Variants in GLRX3 observed in about 807,000 individuals in gnomAD.
GLRX3 encodes the protein glutaredoxin-3.
Under a neutral mutation model 49.5 loss-of-function variants are expected in GLRX3, and 22 were observed. The ratio of observed to expected loss-of-function variants is 0.44; its 90% CI spans 0.32 to 0.63. The LOEUF (loss-of-function observed/expected upper bound fraction) is 0.63, where lower values mean the gene tolerates loss of function less well. Among genes scored for constraint, GLRX3 ranks in the 30% least tolerant of loss-of-function variants. The pLI is 0.05. For missense variants in GLRX3, 385 were observed against 396.3 expected, an observed-to-expected ratio of 0.97 and a Z score of 0.24; for synonymous variants, 133 against 140.0, an observed-to-expected ratio of 0.95 and a Z score of 0.35.
chr10:130,136,935 C>T (rs1252201073), intron 1 of GLRX3, among the ~76,000 whole-genome samples: 2 of 152,188 alleles, frequency 1.3e-5, no homozygotes, highest in Non-Finnish European at 2.9e-5. Context: ...GCGGGACCCA[C>T]GGCTGCGGGC....
chr10:130,178,166 G>A (rs576163643), intron 10 of GLRX3, among the ~76,000 whole-genome samples: 1 of 152,318 alleles, frequency 6.6e-6, no homozygotes, highest in South Asian at 2.1e-4. Flanking sequence ...CAATAGCAAA[G>A]CCTGATTCCT....
intron 2 of GLRX3, 161 bp from the exon 3 acceptor site, chr10:130,159,834 A>G: frequency 7.3e-7 from 1 of 1,361,868 alleles, no homozygotes; most frequent in Non-Finnish European, 9.6e-7. Context: ...ATGCCAGCCC[A>G]GTGAGTCTCA....
At chr10:130,173,891 T>G (rs1862863513) in intron 8 of GLRX3, among the ~76,000 whole-genome samples, 2 of 152,226 alleles carry the variant, frequency 1.3e-5, no homozygotes, top group South Asian at 4.1e-4. Flanking sequence ...GTTTACTAAA[T>G]AAACAAGATT....
intron 6 of GLRX3, 129 bp downstream of exon 6, chr10:130,167,109 T>G (rs1260615890): frequency 5.7e-6 from 3 of 526,396 alleles, no homozygotes; most frequent in Non-Finnish European, 9.9e-6. Flanking sequence ...TCATAATTGT[T>G]TAGTCACATT....
At chr10:130,162,293 A>G (rs1289768089) in intron 4 of GLRX3, among the ~76,000 whole-genome samples, 2 of 152,160 alleles carry the variant, frequency 1.3e-5, no homozygotes, top group Admixed American at 1.3e-4. Context: ...TCTTAAAAGT[A>G]TCTCTTAGTT....
At chr10:130,138,023 A>G (rs1407237379) in intron 1 of GLRX3, among the ~76,000 whole-genome samples, 2 of 152,000 alleles carry the variant, frequency 1.3e-5, no homozygotes, top group Non-Finnish European at 1.5e-5. Flanking sequence ...GGTGTGAGCT[A>G]CCACGTCCGG....
chr10:130,161,727 G>A (rs1446727043), intron 4 of GLRX3, among the ~76,000 whole-genome samples: 2 of 152,224 alleles, frequency 1.3e-5, no homozygotes, highest in Non-Finnish European at 2.9e-5. Context: ...GCATAATTGA[G>A]CATTTAATGC....
At chr10:130,146,501 G>A (rs1034609459) in intron 2 of GLRX3, among the ~76,000 whole-genome samples, 3 of 152,178 alleles carry the variant, frequency 2.0e-5, no homozygotes, top group African/African-American at 7.2e-5. Context: ...GTGGATGAGT[G>A]CTAGGAAAGC....
chr10:130,145,188 A>C, intron 1 of GLRX3, 23 bp from the exon 2 acceptor site: 4 of 892,750 alleles, frequency 4.5e-6, no homozygotes, highest in Non-Finnish European at 7.2e-6. Flanking sequence ...AATTTTAAAT[A>C]AATGCATTTA....
chr10:130,160,209 T>C, intron 3 of GLRX3, 140 bp downstream of exon 3: 2 of 617,234 alleles, frequency 3.2e-6, no homozygotes, highest in South Asian at 2.1e-5. Context: ...TCTGATAGTC[T>C]CATTTTTGCA....
intron 1 of GLRX3, among the ~76,000 whole-genome samples, chr10:130,144,284 G>A (rs1862228376): frequency 7.0e-6 from 1 of 142,804 alleles, no homozygotes; most frequent in Non-Finnish European, 1.5e-5. Flanking sequence ...TGATTTGCCT[G>A]GCTTTTTTTT....
chr10:130,159,436 T>TTA (rs1378032917), intron 2 of GLRX3, among the ~76,000 whole-genome samples: 1 of 152,238 alleles, frequency 6.6e-6, no homozygotes, highest in Non-Finnish European at 1.5e-5. Context: ...GCAAGTAACC[T>TTA]AGCAAGATAT....
chr10:130,166,928 G>T lies in GLRX3; in HGVS notation c.661G>T (p.Ala221Ser). The T allele has an allele frequency of 1.9e-6, 3 of 1,588,674 alleles. No homozygotes were observed. Among genetic ancestry groups the T allele is most frequent in the Non-Finnish European group, 2.6e-6 (3 of 1,165,038 alleles). The change falls in exon 6 of 11, where the codon GCA becomes TCA. Residue 221 changes from alanine (A) to serine (S), a missense_variant. Ala to Ser is a moderately conservative substitution (Grantham distance 99). Coordinates refer to ENST00000331244, the MANE Select transcript of GLRX3 (RefSeq NM_006541.5). Reference protein sequence around the residue: ...GGLDIIKELEASEELDTICPK... With the variant: ...GGLDIIKELESSEELDTICPK... ...TGTGTGCTTATTTTAGGAGCTAGAA[G>T]CATCTGAAGAACTAGATACAATTTG...
rs774687335 is a variant in GLRX3 at position 130,179,372 on chromosome 10, A to C, written c.988A>C (p.Ile330Leu). ...GAAAGAAAATGGTGAATTGCTGCCTATACTGAGAGGAGAAAATTAATAAAT... is the reference window on the plus strand; with the variant it reads ...GAAAGAAAATGGTGAATTGCTGCCTCTACTGAGAGGAGAAAATTAATAAAT... ...ELKENGELLP[I>L]LRGEN Residue 330 changes from isoleucine to leucine, a missense_variant, in exon 11 of 11, where the codon ATA becomes CTA. Physicochemically the swap from Ile to Leu is conservative, Grantham distance 5 (BLOSUM62 2). Transcript: ENST00000331244. 1.1e-5 allele frequency: 17 copies of C among 1,481,958 alleles called. No individual in the cohort carries two copies. The Middle Eastern group carries it at 6.6e-4, about 57-fold the overall frequency. 91.8% of individuals were successfully genotyped at this position (1,481,958 alleles called of 1,614,324 possible).
chr10:130,176,219 A>G (rs532551972), intron 10 of GLRX3, among the ~76,000 whole-genome samples: 27 of 150,368 alleles, frequency 1.8e-4, no homozygotes, highest in African/African-American at 6.6e-4. Flanking sequence ...TCCCAGGTTC[A>G]TGTGATTCTC....
intron 2 of GLRX3, among the ~76,000 whole-genome samples, chr10:130,152,372 G>A (rs1363125742): frequency 1.3e-5 from 2 of 152,114 alleles, no homozygotes; most frequent in Non-Finnish European, 2.9e-5. Context: ...AATTTTGCCC[G>A]TTCGTTAATG....
chr10:130,175,239 T>C, intron 10 of GLRX3, 150 bp downstream of exon 10: 1 of 646,064 alleles, frequency 1.5e-6, no homozygotes, highest in Non-Finnish European at 2.8e-6. Flanking sequence ...TCACCGTTTC[T>C]GTGTGCATGA....
chr10:130,136,449 T>C lies in GLRX3; in HGVS notation c.29T>C (p.Val10Ala). The C allele has an allele frequency of 7.9e-7, 1 of 1,262,014 alleles. No homozygotes were observed. 78.2% of individuals were successfully genotyped at this position (1,262,014 alleles called of 1,614,324 possible). A position where few individuals can be genotyped will look rare whatever the true frequency, so the allele number is the denominator to read the frequency against. Residue 10 changes from valine (V) to alanine (A), a missense_variant, in exon 1 of 11, where the codon GTA becomes GCA. This residue lies in a region of GLRX3 where 374 missense variants were observed against 358.6 expected (regional missense o/e 1.04). Coordinates refer to ENST00000331244, the MANE Select transcript of GLRX3 (RefSeq NM_006541.5). ...GCGGCGGGGGCGGCTGAGGCAGCTG[T>C]AGCGGCCGTGGAGGAGGTCGGCTCA... MAAGAAEAA[V>A]AAVEEVGSAG...
intron 8 of GLRX3, 114 bp downstream of exon 8, chr10:130,171,750 G>A: frequency 1.4e-6 from 1 of 722,822 alleles, no homozygotes; most frequent in African/African-American, 1.8e-5. Context: ...AATATTGCTT[G>A]AGCCCAGGTG....
Sources: allele counts gnomAD v4.1 joint callset (sites outside exome capture counted in the v4.1 genomes callset), GRCh38; gene constraint gnomAD v4.1.1; regional missense constraint gnomAD v4.1.1; transcripts MANE v1.5; gene names NCBI Gene and HGNC (gene_info 2026-07-23, HGNC 2026-07-21).